Variants in CADPS2 observed in about 807,000 individuals in gnomAD.
CADPS2 encodes the protein calcium-dependent secretion activator 2.
A neutral mutation model predicts 172.5 loss-of-function variants in CADPS2; 93 were observed. That is an observed-to-expected ratio of 0.54 (90% CI 0.46 to 0.64). The LOEUF (loss-of-function observed/expected upper bound fraction) is 0.64. Ranked by LOEUF, CADPS2 falls within the 30% of genes least tolerant of loss-of-function variation. The pLI, the probability that CADPS2 is intolerant of heterozygous loss-of-function variation, is 0.00. For synonymous variants in CADPS2, 546 were observed against 555.2 expected (o/e 0.98, Z 0.23); for missense variants, 1,420 against 1,565.9 (o/e 0.91, Z 1.57).
intron 17 of CADPS2, among the ~76,000 whole-genome samples, chr7:122,419,302 T>C (rs1214613385): frequency 1.3e-5 from 2 of 152,228 alleles, no homozygotes; most frequent in Non-Finnish European, 2.9e-5. Flanking sequence ...TAAGAGAGCA[T>C]GCTCACGATA....
chr7:122,435,778 T>C (rs554196834), intron 17 of CADPS2, among the ~76,000 whole-genome samples: 9 of 152,204 alleles, frequency 5.9e-5, no homozygotes, highest in South Asian at 2.1e-4. Context: ...GAGAGATGAA[T>C]GGATGAAGAA....
intron 1 of CADPS2, among the ~76,000 whole-genome samples, chr7:122,876,723 T>C (rs1460423535): frequency 6.6e-6 from 1 of 152,116 alleles, no homozygotes; most frequent in African/African-American, 2.4e-5. Context: ...GACTTATAGC[T>C]AACATAAAGG....
chr7:122,658,256 A>C (rs1192215616), intron 3 of CADPS2, among the ~76,000 whole-genome samples: 2 of 152,186 alleles, frequency 1.3e-5, no homozygotes, highest in African/African-American at 4.8e-5. Context: ...GCTGGAGAGG[A>C]TGTGGAGAAA....
intron 1 of CADPS2, among the ~76,000 whole-genome samples, chr7:122,814,188 A>C (rs1269915262): frequency 2.7e-5 from 4 of 148,282 alleles, no homozygotes; most frequent in Admixed American, 6.8e-5. Context: ...TGGAAGGGAA[A>C]AAAAAAAATC....
intron 6 of CADPS2, among the ~76,000 whole-genome samples, chr7:122,597,165 T>C (rs1489218935): frequency 2.0e-5 from 3 of 152,096 alleles, no homozygotes; most frequent in Non-Finnish European, 2.9e-5. Flanking sequence ...GAGATTACAT[T>C]ACTACATGAG....
At chr7:122,628,947 T>G (rs1454126450) in intron 4 of CADPS2, among the ~76,000 whole-genome samples, 8 of 151,666 alleles carry the variant, frequency 5.3e-5, no homozygotes, top group Non-Finnish European at 1.2e-4. Flanking sequence ...AGTAAAACAT[T>G]AAAACTCTTC....
chr7:122,385,268 G>A (rs1303458865), intron 24 of CADPS2, among the ~76,000 whole-genome samples: 1 of 152,134 alleles, frequency 6.6e-6, no homozygotes, highest in Non-Finnish European at 1.5e-5. Flanking sequence ...ATATGTGTAA[G>A]GTTGTATGCT....
At chr7:122,777,571 C>T (rs1244623968) in intron 1 of CADPS2, among the ~76,000 whole-genome samples, 2 of 152,158 alleles carry the variant, frequency 1.3e-5, no homozygotes, top group Non-Finnish European at 2.9e-5. Context: ...TTATAATTCC[C>T]ATGTGTCATG....
intron 6 of CADPS2, among the ~76,000 whole-genome samples, chr7:122,600,599 A>C (rs2072613897): frequency 6.6e-6 from 1 of 152,112 alleles, no homozygotes; most frequent in Non-Finnish European, 1.5e-5. Context: ...CCCCTGCTCT[A>C]AGCAATGTAT....
intron 3 of CADPS2, among the ~76,000 whole-genome samples, chr7:122,658,834 G>A (rs948126300): frequency 1.3e-5 from 2 of 151,972 alleles, no homozygotes; most frequent in African/African-American, 4.8e-5. Context: ...GTATACATAT[G>A]TAACTAACCT....
intron 1 of CADPS2, among the ~76,000 whole-genome samples, chr7:122,748,272 G>C (rs1443501012): frequency 1.3e-5 from 2 of 152,126 alleles, no homozygotes; most frequent in Non-Finnish European, 2.9e-5. Flanking sequence ...CAGACTCAAT[G>C]AGGCCAAAAG....
At chr7:122,407,453 G>A in intron 20 of CADPS2, 87 bp downstream of exon 20, 1 of 1,377,164 alleles carries the variant, frequency 7.3e-7, no homozygotes. Context: ...TGTCAGGCCG[G>A]TGTGAGGGCA....
At chr7:122,491,715 T>C (rs1472444600) in intron 9 of CADPS2, among the ~76,000 whole-genome samples, 1 of 152,088 alleles carries the variant, frequency 6.6e-6, no homozygotes, top group African/African-American at 2.4e-5. Context: ...TGTTGATACG[T>C]TTGGGATCAT....
chr7:122,791,219 A>G (rs778771192), intron 1 of CADPS2, among the ~76,000 whole-genome samples: 2 of 152,184 alleles, frequency 1.3e-5, no homozygotes, highest in African/African-American at 2.4e-5. Flanking sequence ...TATATAATAA[A>G]TTATTCTCCC....
At chr7:122,842,441 C>T (rs35808900) in intron 1 of CADPS2, among the ~76,000 whole-genome samples, 27,514 of 152,114 alleles carry the variant, frequency 0.18, 2,604 homozygotes, top group Middle Eastern at 0.27. Context: ...GCCCTGAAAT[C>T]CAGTAACAGG....
At chr7:122,424,265 T>C (rs2048878041) in intron 17 of CADPS2, 4 of 865,498 alleles carry the variant, frequency 4.6e-6, no homozygotes, top group Non-Finnish European at 4.2e-6. Flanking sequence ...GAATTAACCA[T>C]GCTAATAATA....
chr7:122,754,993 T>C (rs1242663496), intron 1 of CADPS2, among the ~76,000 whole-genome samples: 1 of 152,192 alleles, frequency 6.6e-6, no homozygotes, highest in African/African-American at 2.4e-5. Flanking sequence ...TAGTCTCCTT[T>C]AGAACTTTAT....
At chr7:122,443,853 A>G (rs1239423872) in intron 15 of CADPS2, among the ~76,000 whole-genome samples, 1 of 151,824 alleles carries the variant, frequency 6.6e-6, no homozygotes, top group Non-Finnish European at 1.5e-5. Context: ...ACTTTCCACT[A>G]CGGAAGAGAA....
intron 17 of CADPS2, chr7:122,425,821 T>C (rs2049105128): frequency 6.6e-6 from 1 of 152,208 alleles, no homozygotes; most frequent in South Asian, 2.1e-4. Context: ...GTATCATGCC[T>C]ATTCCTTCCT....
Sources: gnomAD v4.1 joint callset for allele counts (sites outside exome capture counted in the v4.1 genomes callset) on GRCh38, gnomAD v4.1.1 for gene constraint, MANE v1.5 for transcripts, NCBI Gene and HGNC (gene_info 2026-07-23, HGNC 2026-07-21) for gene names.